The following NOX3 variants were observed in gnomAD, a reference collection of about 807,000 sequenced individuals.
NOX3 encodes the protein NADPH oxidase 3, also known as NADPH oxidase catalytic subunit-like 3.
A neutral mutation model predicts 76.7 loss-of-function variants in NOX3; 74 were observed. The ratio of observed to expected loss-of-function variants is 0.96; its 90% CI spans 0.80 to 1.17. The LOEUF (loss-of-function observed/expected upper bound fraction) is 1.17, where lower values mean the gene tolerates loss of function less well. Ranked by LOEUF, NOX3 falls within the 50% of genes most tolerant of loss-of-function variation. NOX3 has a pLI of 0.00. For missense variants in NOX3, 695 were observed against 703.3 expected (o/e 0.99, Z 0.13); for synonymous variants, 263 against 261.1 (o/e 1.01, Z -0.07).
At position 155,422,763 on chromosome 6, in the gene NOX3, G is replaced by A; in HGVS notation, c.1239C>T (p.Pro413=). The change falls in exon 10 of 14, where the codon CCC becomes CCT. Residue 413 remains proline (P), a synonymous_variant. Coordinates refer to ENST00000159060, the MANE Select transcript of NOX3 (RefSeq NM_015718.3). The stretch of plus-strand genomic sequence containing the variant: ...ATATAGATTTCAGAAGAGCAGCGAA[G>A]GGAGTGACTCCGATCCCCGCGGCAA... ...VCVAAGIGVT[P]FAALLKSIWY... is the part of the protein sequence containing the mutation. 1.2e-6 allele frequency: 2 copies of A among 1,614,194 alleles called. No homozygotes were observed. The highest frequency in any genetic ancestry group is 1.7e-6 in the Non-Finnish European group (2 of 1,180,026).
At chr6:155,414,624 T>C (rs1562461020) in intron 10 of NOX3, among the ~76,000 whole-genome samples, 8 of 62,508 alleles carry the variant, frequency 1.3e-4, no homozygotes, top group African/African-American at 2.0e-4. Context: ...CTTTTCTTTC[T>C]TTTTTTTTTT....
chr6:155,443,447 C>T (rs755118091), intron 4 of NOX3, 29 bp from the exon 5 acceptor site: 16 of 1,605,392 alleles, frequency 1.0e-5, no homozygotes, highest in Non-Finnish European at 1.2e-5. Flanking sequence ...ACCAAACATG[C>T]ACCCTGTGGC....
At chr6:155,451,838 G>A (rs552978413) in intron 4 of NOX3, among the ~76,000 whole-genome samples, 1 of 152,138 alleles carries the variant, frequency 6.6e-6, no homozygotes, top group South Asian at 2.1e-4. Context: ...ATGTTGCCCA[G>A]GCTGGTCTCG....
chr6:155,445,990 T>TAAA (rs1562472184), intron 4 of NOX3, among the ~76,000 whole-genome samples: 1 of 126,982 alleles, frequency 7.9e-6, no homozygotes, highest in Non-Finnish European at 1.7e-5. Context: ...GCTATATATA[T>TAAA]ATATATAATA....
Position 155,440,018 on chromosome 6 carries a change from C to T in NOX3, c.606G>A (p.Leu202=). 6.2e-7 allele frequency: 1 copy of T among 1,614,020 alleles called. No individual in the cohort carries two copies. Among genetic ancestry groups the T allele is most frequent in the South Asian group, 1.1e-5 (1 of 91,056 alleles). ...TEFIRQASYE[L]FWYTHHVFIV... ...TGAAAACATGGTGTGTGTACCAGAA[C>T]AACTCATAGGAGGCCTGTCTGATGA... Residue 202 remains leucine, a synonymous_variant, in exon 6 of 14, where the codon TTG becomes TTA. Coordinates refer to ENST00000159060, the MANE Select transcript of NOX3 (RefSeq NM_015718.3).
At chr6:155,416,185 G>T (rs566132532) in intron 10 of NOX3, among the ~76,000 whole-genome samples, 1 of 152,300 alleles carries the variant, frequency 6.6e-6, no homozygotes, top group Admixed American at 6.5e-5. Context: ...CCTCCTGCTG[G>T]GCAGCACGCC....
intron 10 of NOX3, among the ~76,000 whole-genome samples, chr6:155,413,503 C>A (rs1036447091): frequency 2.0e-5 from 3 of 151,812 alleles, no homozygotes; most frequent in Non-Finnish European, 4.4e-5. Context: ...GAGAATAGAC[C>A]CAGGGTATGG....
In NOX3 at chr6:155,407,855, G is replaced by A. The variant is rs528961646; in HGVS notation, c.1456-601C>T. ...GCAGGCGGCTTGGCTGGAGATCTGT[G>A]CCTAATCATTTGCCTTGGAATTAAG... On this transcript the variant is annotated intron_variant, in intron 11 of 13. Coordinates refer to ENST00000159060, the MANE Select transcript of NOX3 (RefSeq NM_015718.3). Among the ~76,000 whole-genome samples the A allele has an allele frequency of 5.3e-5, 8 of 152,344 alleles. No homozygotes were observed. In the South Asian group the frequency reaches 1.7e-3, roughly 32 times the overall value.
intron 10 of NOX3, among the ~76,000 whole-genome samples, chr6:155,414,623 C>CTT (rs72348061): frequency 0.016 from 1,872 of 113,494 alleles, 34 homozygotes; most frequent in African/African-American, 0.03. Flanking sequence ...TCTTTTCTTT[C>CTT]TTTTTTTTTT....
At chr6:155,451,979 A>C (rs1429509552) in intron 4 of NOX3, among the ~76,000 whole-genome samples, 1 of 152,118 alleles carries the variant, frequency 6.6e-6, no homozygotes, top group Non-Finnish European at 1.5e-5. Flanking sequence ...TTCTCTCTGT[A>C]ATATCTTTAA....
At chr6:155,400,964 G>A (rs1444168431) in intron 12 of NOX3, among the ~76,000 whole-genome samples, 1 of 152,142 alleles carries the variant, frequency 6.6e-6, no homozygotes, top group African/African-American at 2.4e-5. Flanking sequence ...ATGGTCAAAT[G>A]GGGAAGAAAA....
intron 3 of NOX3, 56 bp from the exon 4 acceptor site, chr6:155,453,544 T>G: frequency 7.5e-7 from 1 of 1,331,888 alleles, no homozygotes; most frequent in Non-Finnish European, 1.1e-6. Flanking sequence ...GAAAACAATC[T>G]CATGAAAGTT....
At chr6:155,448,087 G>A (rs1026609258) in intron 4 of NOX3, among the ~76,000 whole-genome samples, 8 of 152,284 alleles carry the variant, frequency 5.3e-5, no homozygotes, top group African/African-American at 1.7e-4. Context: ...GTATGTAACA[G>A]AAAGAATACT....
intron 3 of NOX3, 28 bp from the exon 4 acceptor site, chr6:155,453,516 T>C: frequency 6.5e-7 from 1 of 1,543,668 alleles, no homozygotes; most frequent in Non-Finnish European, 9.0e-7. Flanking sequence ...TATGCCTGAT[T>C]TATGGAAAAA....
intron 1 of NOX3, 93 bp downstream of exon 1, chr6:155,455,660 T>C: frequency 1.1e-6 from 1 of 925,322 alleles, no homozygotes; most frequent in Admixed American, 1.9e-5. Context: ...GAGTAATACT[T>C]CAAGCTATTT....
At chr6:155,445,007 G>A (rs1464676258) in intron 4 of NOX3, among the ~76,000 whole-genome samples, 1 of 152,166 alleles carries the variant, frequency 6.6e-6, no homozygotes, top group African/African-American at 2.4e-5. Flanking sequence ...ACTTGGTGGT[G>A]TCTAAATTCT....
At chr6:155,427,896 C>T (rs1776777829) in intron 9 of NOX3, among the ~76,000 whole-genome samples, 1 of 152,012 alleles carries the variant, frequency 6.6e-6, no homozygotes, top group South Asian at 2.1e-4. Context: ...CTTTCCTCCT[C>T]CTCCTCCTCC....
intron 12 of NOX3, among the ~76,000 whole-genome samples, chr6:155,398,554 C>T (rs1412506908): frequency 6.6e-6 from 1 of 152,188 alleles, no homozygotes; most frequent in Non-Finnish European, 1.5e-5. Context: ...TTATCAATGG[C>T]TTAATTTACA....
At chr6:155,420,514 A>G (rs1433837099) in intron 10 of NOX3, among the ~76,000 whole-genome samples, 2 of 152,206 alleles carry the variant, frequency 1.3e-5, no homozygotes, top group Non-Finnish European at 2.9e-5. Flanking sequence ...GGCGTAGAGG[A>G]AAGAAGATGA....
Sources: allele counts gnomAD v4.1 joint callset (sites outside exome capture counted in the v4.1 genomes callset), GRCh38; gene constraint gnomAD v4.1.1; transcripts MANE v1.5; gene names NCBI Gene and HGNC (gene_info 2026-07-23, HGNC 2026-07-21).